Variants in TAF3 observed in about 807,000 individuals in gnomAD.
The protein encoded by TAF3 is transcription initiation factor TFIID subunit 3.
In TAF3, 7 loss-of-function variants were observed where a neutral mutation model predicts 80.6. That is an observed-to-expected ratio of 0.09 (90% CI 0.05 to 0.16). The LOEUF is 0.16. Among genes scored for constraint, TAF3 ranks in the 10% least tolerant of loss-of-function variants. TAF3 has a pLI of 1.00. For synonymous variants in TAF3, 444 were observed against 446.1 expected (o/e 1.00, Z 0.06); for missense variants, 921 against 1,140.2 (o/e 0.81, Z 2.77).
intron 4 of TAF3, among the ~76,000 whole-genome samples, chr10:7,979,466 C>G (rs530386719): frequency 1.3e-5 from 2 of 151,606 alleles, no homozygotes; most frequent in Non-Finnish European, 2.9e-5. Context: ...CTCAATAAAT[C>G]ACTCATACAC....
chr10:7,844,655 C>A (rs112028449), intron 2 of TAF3, among the ~76,000 whole-genome samples: 10 of 152,274 alleles, frequency 6.6e-5, no homozygotes, highest in African/African-American at 2.4e-4. Context: ...GGATTACAGG[C>A]ATGAACCACC....
intron 2 of TAF3, among the ~76,000 whole-genome samples, chr10:7,831,257 G>A (rs1486405446): frequency 1.3e-5 from 2 of 151,888 alleles, no homozygotes; most frequent in Non-Finnish European, 2.9e-5. Context: ...GAATAAATTG[G>A]TTCCTTGTTA....
At chr10:7,893,972 T>G (rs1483220417) in intron 2 of TAF3, among the ~76,000 whole-genome samples, 1 of 152,210 alleles carries the variant, frequency 6.6e-6, no homozygotes, top group Non-Finnish European at 1.5e-5. Flanking sequence ...AACTTAATGT[T>G]TTCGCCAGCA....
intron 2 of TAF3, among the ~76,000 whole-genome samples, chr10:7,875,881 A>C (rs961039834): frequency 1.3e-5 from 2 of 152,158 alleles, no homozygotes; most frequent in Non-Finnish European, 2.9e-5. Flanking sequence ...AAATTTTAAG[A>C]GTATTCATTT....
chr10:8,011,666 G>A (rs1177730095), intron 5 of TAF3, among the ~76,000 whole-genome samples: 1 of 152,222 alleles, frequency 6.6e-6, no homozygotes, highest in African/African-American at 2.4e-5. Context: ...CATTGTAGGT[G>A]TTTAATTAGA....
intron 2 of TAF3, among the ~76,000 whole-genome samples, chr10:7,938,357 A>G (rs546411629): frequency 6.6e-6 from 1 of 152,254 alleles, no homozygotes; most frequent in Admixed American, 6.5e-5. Context: ...TCAGGCTGTT[A>G]TATTTTAGTT....
chr10:7,847,984 G>GA (rs749359457), intron 2 of TAF3, among the ~76,000 whole-genome samples: 1 of 151,882 alleles, frequency 6.6e-6, no homozygotes, highest in Non-Finnish European at 1.5e-5. Flanking sequence ...TGTCCAGGCT[G>GA]ATCGCAAACT....
intron 2 of TAF3, among the ~76,000 whole-genome samples, chr10:7,961,159 G>T (rs1838186163): frequency 6.6e-6 from 1 of 152,194 alleles, no homozygotes; most frequent in Non-Finnish European, 1.5e-5. Context: ...CAAGACAGAA[G>T]CAGGGGGAAA....
rs1264563263 is a variant in TAF3, at chr10:7,932,840, G to A, written c.410-31080G>A. Among the ~76,000 whole-genome samples, 4 of 151,890 alleles carry A rather than the reference G, an allele frequency of 2.6e-5. No individual in the cohort carries two copies. The East Asian group carries it at 7.7e-4, about 29-fold the overall frequency. On this transcript the variant is annotated intron_variant, in intron 2 of 6. Transcript: ENST00000344293. Reference sequence around the variant, plus strand: ...ATACAGATATGCACTACCACACCGAGCTAATTCTTAAATTTTTTTGTGTGG... The same window carrying A: ...ATACAGATATGCACTACCACACCGAACTAATTCTTAAATTTTTTTGTGTGG...
chr10:7,988,275 C>G (rs574565306), intron 4 of TAF3, among the ~76,000 whole-genome samples: 3 of 151,834 alleles, frequency 2.0e-5, no homozygotes, highest in Non-Finnish European at 4.4e-5. Flanking sequence ...ATAGCAAGAT[C>G]GTGTCTCTAC....
At chr10:7,840,779 A>C (rs2131114608) in intron 2 of TAF3, among the ~76,000 whole-genome samples, 1 of 151,494 alleles carries the variant, frequency 6.6e-6, no homozygotes, top group South Asian at 2.1e-4. Context: ...CAGTGTACTC[A>C]TTGCCTTTTA....
chr10:7,874,802 C>G (rs17143046), intron 2 of TAF3, among the ~76,000 whole-genome samples: 31,899 of 151,332 alleles, frequency 0.21, 3,418 homozygotes, highest in South Asian at 0.27. Context: ...ACATGGAAAA[C>G]TTTTTTCATC....
rs191317143 is a variant in TAF3, at chr10:7,900,826, T to C, written c.410-63094T>C. ...CGTATTAAGAAGGTAAAGATTTTGA[T>C]TAGAAGCACATGGATTTTCTCCTAC... On this transcript the variant is annotated intron_variant, in intron 2 of 6. Transcript: ENST00000344293. Among the ~76,000 whole-genome samples, 201 of 152,330 alleles carry C rather than the reference T, an allele frequency of 1.3e-3. 2 individuals carry two copies. The East Asian group carries it at 0.033, about 25-fold the overall frequency.
Position 7,917,677 on chromosome 10 carries a change from G to A in TAF3, c.410-46243G>A, listed in dbSNP as rs376688004. On this transcript the variant is annotated intron_variant, in intron 2 of 6. Transcript: ENST00000344293. ...GCCGTCACCGGTTGGGGGAATGGGG[G>A]TTTGCCCCACCAAGGTGGCCGTGAA... 5.9e-5 allele frequency among the ~76,000 whole-genome samples: 9 copies of A among 152,230 alleles called. No individual in the cohort carries two copies. The East Asian group carries it at 1.3e-3, about 23-fold the overall frequency.
chr10:7,894,080 T>C (rs1214711449), intron 2 of TAF3, among the ~76,000 whole-genome samples: 1 of 152,220 alleles, frequency 6.6e-6, no homozygotes. Flanking sequence ...AAATTATCCT[T>C]TTTCTTTTCG....
At chr10:7,968,220 A>C (rs1831591032) in intron 3 of TAF3, among the ~76,000 whole-genome samples, 1 of 152,202 alleles carries the variant, frequency 6.6e-6, no homozygotes, top group African/African-American at 2.4e-5. Flanking sequence ...AGCTGCCCCA[A>C]GAAAATGTTT....
At chr10:7,994,334 G>T (rs1044444792) in intron 4 of TAF3, among the ~76,000 whole-genome samples, 6 of 152,036 alleles carry the variant, frequency 3.9e-5, no homozygotes, top group Admixed American at 1.3e-4. Context: ...TTCTGATGAT[G>T]AATGGTGTTT....
Position 8,009,993 on chromosome 10 carries a change from C to G in TAF3, c.2568+663C>G, listed in dbSNP as rs1413446181. On this transcript the variant is annotated intron_variant, in intron 5 of 6. Coordinates refer to ENST00000344293, the MANE Select transcript of TAF3 (RefSeq NM_031923.4). This position sits in a 1 kb window ranked among gnomAD's most constrained non-coding sequence, Gnocchi z 4.1. ...GTGGTACGATCTCGGCTCACTGCAGCCCCTGCCTCCCAGGCTCAAGCGATC... is the reference window on the plus strand; with the variant it reads ...GTGGTACGATCTCGGCTCACTGCAGGCCCTGCCTCCCAGGCTCAAGCGATC... Among the ~76,000 whole-genome samples, 2 of 152,000 alleles carry G rather than the reference C, an allele frequency of 1.3e-5. No homozygotes were observed. The highest frequency in any genetic ancestry group is 2.9e-5 in the Non-Finnish European group (2 of 67,988).
chr10:7,925,798 C>CAAAAAA (rs375690990), intron 2 of TAF3, among the ~76,000 whole-genome samples: 2 of 71,000 alleles, frequency 2.8e-5, no homozygotes, highest in East Asian at 3.8e-4. Flanking sequence ...AACTCCATCT[C>CAAAAAA]AAAAAAAAAA....
Sources: gnomAD v4.1 joint callset for allele counts (sites outside exome capture counted in the v4.1 genomes callset) on GRCh38, gnomAD v4.1.1 for gene constraint, Gnocchi (gnomAD v3.1) non-coding constraint, MANE v1.5 for transcripts, NCBI Gene and HGNC (gene_info 2026-07-23, HGNC 2026-07-21) for gene names.